The following RNF169 variants were observed in gnomAD, a reference collection of about 807,000 sequenced individuals.
RNF169 encodes the protein E3 ubiquitin-protein ligase RNF169.
Under a neutral mutation model 53.9 loss-of-function variants are expected in RNF169, and 24 were observed. The ratio of observed to expected loss-of-function variants is 0.45; its 90% CI spans 0.32 to 0.63. The LOEUF is 0.63. Among genes scored for constraint, RNF169 ranks in the 20% least tolerant of loss-of-function variants. The pLI is 0.04. For synonymous variants in RNF169, 396 were observed against 363.5 expected (o/e 1.09, Z -1.02); for missense variants, 883 against 906.2 (o/e 0.97, Z 0.33).
At chr11:74,823,421 T>C (rs1339421311) in intron 4 of RNF169, among the ~76,000 whole-genome samples, 2 of 152,060 alleles carry the variant, frequency 1.3e-5, no homozygotes, top group African/African-American at 4.8e-5. Context: ...TTACAGCAAA[T>C]AAGCAGTGTC....
At chr11:74,808,840 C>CTATA (rs1416396498) in intron 2 of RNF169, among the ~76,000 whole-genome samples, 2 of 152,104 alleles carry the variant, frequency 1.3e-5, no homozygotes, top group African/African-American at 4.8e-5. Context: ...TTAGTGTAGA[C>CTATA]TATAGTTTTG....
At chr11:74,789,898 T>G (rs2035556351) in intron 2 of RNF169, among the ~76,000 whole-genome samples, 199 bp downstream of exon 2, 1 of 152,234 alleles carries the variant, frequency 6.6e-6, no homozygotes, top group Non-Finnish European at 1.5e-5. Flanking sequence ...CCTTTTTAGT[T>G]GTCTTTTCAA....
intron 1 of RNF169, among the ~76,000 whole-genome samples, chr11:74,754,204 T>C (rs1372975766): frequency 6.6e-6 from 1 of 152,204 alleles, no homozygotes; most frequent in Non-Finnish European, 1.5e-5. Flanking sequence ...TTTAGAGACA[T>C]TCCTTATCTG....
intron 1 of RNF169, among the ~76,000 whole-genome samples, chr11:74,768,864 G>A (rs1396078794): frequency 6.6e-6 from 1 of 151,838 alleles, no homozygotes; most frequent in Non-Finnish European, 1.5e-5. Flanking sequence ...GGGCAACATA[G>A]GGAGACCTTG....
chr11:74,822,914 G>A (rs1049065906), intron 4 of RNF169, among the ~76,000 whole-genome samples: 1 of 152,026 alleles, frequency 6.6e-6, no homozygotes, highest in Admixed American at 6.5e-5. Context: ...TAGGGTTTAG[G>A]AATACAGAAA....
At position 74,810,249 on chromosome 11, in the gene RNF169, G is replaced by C. The variant is rs775697057; in HGVS notation, c.642G>C (p.Glu214Asp). The C allele has an allele frequency of 2.5e-6, 4 of 1,613,638 alleles. No individual in the cohort carries two copies. The South Asian group carries it at 4.4e-5, about 18-fold the overall frequency. Residue 214 changes from glutamate to aspartate, a missense_variant, in exon 3 of 6, where the codon GAG becomes GAC. Glu to Asp is a conservative substitution (Grantham distance 45). Transcript: ENST00000299563. ...ATCAAATCCACAAGCTGTTACCAGA[G>C]GATACAGAAACAGGGAAAAGGAAAA... ...SEDQIHKLLP[E>D]DTETGKRKMD...
At chr11:74,755,710 A>T in intron 1 of RNF169, among the ~76,000 whole-genome samples, 1 of 152,226 alleles carries the variant, frequency 6.6e-6, no homozygotes, top group East Asian at 1.9e-4. Flanking sequence ...GTAGGAATTC[A>T]CCAGATGAGG....
At chr11:74,798,749 G>GA (rs2035686390) in intron 2 of RNF169, among the ~76,000 whole-genome samples, 1 of 152,096 alleles carries the variant, frequency 6.6e-6, no homozygotes, top group South Asian at 2.1e-4. Context: ...GTTTCCCCTG[G>GA]ATGCCCATCT....
chr11:74,749,469 C>A, intron 1 of RNF169, 87 bp downstream of exon 1: 2 of 1,085,626 alleles, frequency 1.8e-6, no homozygotes, highest in Non-Finnish European at 2.3e-6. Flanking sequence ...GAGTCCCGGG[C>A]CCTACTCGGG....
chr11:74,794,605 G>C (rs2035621281), intron 2 of RNF169, among the ~76,000 whole-genome samples: 1 of 152,156 alleles, frequency 6.6e-6, no homozygotes, highest in Non-Finnish European at 1.5e-5. Flanking sequence ...GCTGAAATAG[G>C]ATGGAGAAAA....
chr11:74,774,187 C>A (rs2035298167), intron 1 of RNF169, among the ~76,000 whole-genome samples: 1 of 151,674 alleles, frequency 6.6e-6, no homozygotes, highest in African/African-American at 2.4e-5. Context: ...TAAAAACACA[C>A]ACACACAAAT....
At chr11:74,778,661 C>T (rs1045144430) in intron 1 of RNF169, among the ~76,000 whole-genome samples, 20 of 152,180 alleles carry the variant, frequency 1.3e-4, no homozygotes, top group African/African-American at 4.3e-4. Flanking sequence ...AAAAGGCCTG[C>T]AATTTCTATA....
chr11:74,789,682 T>A lies in RNF169; in HGVS notation c.559T>A (p.Tyr187Asn). The change falls in exon 2 of 6, where the codon TAT becomes AAT. Residue 187 changes from tyrosine to asparagine, a missense_variant. Around this residue, in one of 3 missense-constraint regions of RNF169, gnomAD observed 313 missense variants for 279.9 expected, o/e 1.12. Transcript: ENST00000299563. ...LSKPGELREEYESLRKLREEK... is the reference protein window; with the variant it reads ...LSKPGELREENESLRKLREEK... Reference sequence around the variant, plus strand: ...CAAGCCTGGGGAACTTCGTGAGGAATATGAAAGCTTGAGAAAGGTATAGTA... The same window carrying A: ...CAAGCCTGGGGAACTTCGTGAGGAAAATGAAAGCTTGAGAAAGGTATAGTA... 1 of 1,601,070 alleles carries A rather than the reference T, an allele frequency of 6.2e-7. No individual in the cohort carries two copies. The highest frequency in any genetic ancestry group is 8.6e-7 in the Non-Finnish European group (1 of 1,168,482).
intron 1 of RNF169, 106 bp downstream of exon 1, chr11:74,749,488 G>C: frequency 1.0e-6 from 1 of 976,368 alleles, no homozygotes; most frequent in Non-Finnish European, 1.3e-6. Flanking sequence ...GGCGGGTGTG[G>C]AGAGTTCTCG....
intron 3 of RNF169, among the ~76,000 whole-genome samples, chr11:74,812,779 G>A (rs917057521): frequency 6.6e-6 from 1 of 152,122 alleles, no homozygotes; most frequent in Non-Finnish European, 1.5e-5. Flanking sequence ...TGATTAGAGC[G>A]AGACTGATCA....
At chr11:74,797,654 T>C (rs2035668592) in intron 2 of RNF169, among the ~76,000 whole-genome samples, 1 of 152,198 alleles carries the variant, frequency 6.6e-6, no homozygotes, top group African/African-American at 2.4e-5. Context: ...AGGATGTATA[T>C]ATGGCTGGTT....
chr11:74,791,831 A>G (rs1373666027), intron 2 of RNF169, among the ~76,000 whole-genome samples: 1 of 152,114 alleles, frequency 6.6e-6, no homozygotes, highest in African/African-American at 2.4e-5. Flanking sequence ...CCACCTCTTC[A>G]ACTTGTAAGA....
intron 1 of RNF169, among the ~76,000 whole-genome samples, chr11:74,782,147 G>A (rs2035425228): frequency 1.3e-5 from 2 of 152,158 alleles, no homozygotes; most frequent in Admixed American, 6.5e-5. Context: ...CCTATGAAGC[G>A]GCTGGTGGAG....
At position 74,838,501 on chromosome 11, in the gene RNF169, A is replaced by G. The variant is rs767918732; in HGVS notation, c.*1771A>G. ...CTCATAGTTCCCAAACAGTTCCCAA[A>G]CAGAAATTCCAGAGATGTCTTAAAC... On this transcript the variant is annotated 3_prime_UTR_variant, in exon 6 of 6. Transcript: ENST00000299563. 1 of 152,226 alleles carries G rather than the reference A, an allele frequency of 6.6e-6. No homozygotes were observed. The highest frequency in any genetic ancestry group is 1.5e-5 in the Non-Finnish European group (1 of 68,048). The allele number at this position is 152,226 out of a possible 1,614,324, so 9.4% of individuals were successfully genotyped here.
Sources: allele counts gnomAD v4.1 joint callset (sites outside exome capture counted in the v4.1 genomes callset), GRCh38; gene constraint gnomAD v4.1.1; regional missense constraint gnomAD v4.1.1; transcripts MANE v1.5; gene names NCBI Gene and HGNC (gene_info 2026-07-23, HGNC 2026-07-21).